TJP1: variants seen among roughly 807,000 people sequenced by gnomAD.
The protein encoded by TJP1 is tight junction protein 1, also known as tight junction protein ZO-1.
TJP1 carries 43 observed loss-of-function variants against 194.2 expected under a neutral mutation model. The observed-to-expected ratio is 0.22, with a 90% CI of 0.17 to 0.29. The LOEUF is 0.29. Ranked by LOEUF, TJP1 falls within the 10% of genes least tolerant of loss-of-function variation. The pLI is 1.00. For missense variants in TJP1, 1,971 were observed against 2,185.7 expected (o/e 0.90, Z 1.96); for synonymous variants, 801 against 779.0 (o/e 1.03, Z -0.47).
intron 10 of TJP1, among the ~76,000 whole-genome samples, chr15:29,740,267 G>T (rs929556403): frequency 6.6e-6 from 1 of 152,058 alleles, no homozygotes; most frequent in Non-Finnish European, 1.5e-5. Context: ...AAGCCACTGC[G>T]CCCGGCCCGG....
chr15:29,734,891 A>C lies in TJP1; in HGVS notation c.1408-509T>G, dbSNP rs79367818. Reference sequence around the variant, plus strand: ...ACAAATAAAGTGAGTTAAAGGTATAAATTTATTTAAATAGTATTCAGTGTG... The same window carrying C: ...ACAAATAAAGTGAGTTAAAGGTATACATTTATTTAAATAGTATTCAGTGTG... On this transcript the variant is annotated intron_variant, in intron 11 of 27. Transcript: ENST00000614355. Among the ~76,000 whole-genome samples the C allele has an allele frequency of 6.4e-3, 969 of 152,292 alleles. 10 individuals carry two copies. The highest frequency in any genetic ancestry group is 0.022 in the African/African-American group (907 of 41,552).
intron 1 of TJP1, among the ~76,000 whole-genome samples, chr15:29,803,507 G>C (rs572302132): frequency 6.6e-6 from 1 of 152,116 alleles, no homozygotes; most frequent in Non-Finnish European, 1.5e-5. Flanking sequence ...TGTATTAAAT[G>C]CATTTTTGAC....
At chr15:29,907,086 G>C (rs1372499447) in intron 2 of TJP1, among the ~76,000 whole-genome samples, 1 of 151,980 alleles carries the variant, frequency 6.6e-6, no homozygotes, top group Non-Finnish European at 1.5e-5. Context: ...TTGTGTGTAG[G>C]TTTGAAACTT....
At chr15:29,785,668 A>C (rs1404563576) in intron 2 of TJP1, among the ~76,000 whole-genome samples, 2 of 152,016 alleles carry the variant, frequency 1.3e-5, no homozygotes, top group Admixed American at 6.6e-5. Flanking sequence ...CAATCCGCTA[A>C]TTATAACTTT....
chr15:29,762,680 A>G (rs972416134), intron 5 of TJP1, among the ~76,000 whole-genome samples: 1 of 152,200 alleles, frequency 6.6e-6, no homozygotes, highest in African/African-American at 2.4e-5. Context: ...CCGTGTTCCC[A>G]TATTACTGAA....
At chr15:29,743,640 T>C (rs543531761) in intron 8 of TJP1, among the ~76,000 whole-genome samples, 55 of 152,212 alleles carry the variant, frequency 3.6e-4, no homozygotes, top group South Asian at 4.1e-4. Context: ...GGTGGGAGAA[T>C]TGCTTGAGCC....
chr15:29,889,436 ACAAT>A (rs1398909664), intron 2 of TJP1, among the ~76,000 whole-genome samples: 6 of 152,240 alleles, frequency 3.9e-5, no homozygotes, highest in Non-Finnish European at 7.3e-5. Context: ...AAATTAATCA[ACAAT>A]CAGTCTTATT....
intron 1 of TJP1, among the ~76,000 whole-genome samples, chr15:29,960,128 T>C (rs1034786821): frequency 4.6e-5 from 7 of 152,292 alleles, no homozygotes; most frequent in Admixed American, 4.6e-4. Flanking sequence ...AGTTTTTCTC[T>C]CATCTGACTT....
intron 2 of TJP1, among the ~76,000 whole-genome samples, chr15:29,909,148 C>G (rs2053930998): frequency 7.0e-6 from 1 of 142,608 alleles, no homozygotes; most frequent in Non-Finnish European, 1.5e-5. Context: ...CAGAGGGAGA[C>G]TCCATCTCAA....
intron 10 of TJP1, among the ~76,000 whole-genome samples, chr15:29,740,336 C>A (rs1208317898): frequency 1.3e-5 from 2 of 152,020 alleles, no homozygotes; most frequent in Non-Finnish European, 2.9e-5. Context: ...CAATAAAAAA[C>A]TAATTTGGGC....
chr15:29,826,140 A>T (rs1450154711), upstream of TJP1, among the ~76,000 whole-genome samples: 1 of 105,212 alleles, frequency 9.5e-6, no homozygotes, highest in Non-Finnish European at 2.2e-5. Context: ...ACACCATTTC[A>T]TTTTTTTTTT....
rs1328841543 is a variant in TJP1, at chr15:29,822,464, G to C, written c.-436C>G. 6 of 985,610 alleles carry C rather than the reference G, an allele frequency of 6.1e-6. No homozygotes were observed. Among genetic ancestry groups the C allele is most frequent in the Non-Finnish European group, 7.2e-6 (6 of 830,256 alleles). 61.1% of individuals were successfully genotyped at this position (985,610 alleles called of 1,614,324 possible). On this transcript the variant is annotated 5_prime_UTR_variant, in exon 1 of 28. Coordinates refer to ENST00000614355, the MANE Select transcript of TJP1 (RefSeq NM_001330239.4). ...CTCAGCCGGCGCCGGCAACTCAGCG[G>C]CCACGCAAACCTGCCGGCCCGGCCC...
At chr15:29,744,221 A>G (rs1017028554) in intron 8 of TJP1, among the ~76,000 whole-genome samples, 6 of 152,232 alleles carry the variant, frequency 3.9e-5, no homozygotes, top group African/African-American at 9.6e-5. Context: ...CTTTCACATG[A>G]TAACATCACT....
chr15:29,872,236 T>C (rs921075581), intron 2 of TJP1, among the ~76,000 whole-genome samples: 1 of 152,206 alleles, frequency 6.6e-6, no homozygotes, highest in Non-Finnish European at 1.5e-5. Context: ...GAGGTACTTA[T>C]ATTGTAAGCA....
chr15:29,733,378 A>AT, intron 12 of TJP1, 65 bp from the exon 13 acceptor site: 1 of 1,113,446 alleles, frequency 9.0e-7, no homozygotes, highest in Non-Finnish European at 1.3e-6. Context: ...AAGACAGTAC[A>AT]TTATGTAAAG....
At chr15:29,712,646 T>C (rs1350004925) in intron 23 of TJP1, among the ~76,000 whole-genome samples, 1 of 152,186 alleles carries the variant, frequency 6.6e-6, no homozygotes, top group African/African-American at 2.4e-5. Context: ...CCATCCTTCA[T>C]GTACTTTAAC....
intron 24 of TJP1, among the ~76,000 whole-genome samples, chr15:29,709,442 C>G (rs1027176819): frequency 2.0e-5 from 3 of 152,182 alleles, no homozygotes; most frequent in Non-Finnish European, 4.4e-5. Flanking sequence ...CTGATGATGC[C>G]AAACATTGGT....
chr15:29,758,435 G>A (rs1351928867), intron 8 of TJP1, among the ~76,000 whole-genome samples: 1 of 152,002 alleles, frequency 6.6e-6, no homozygotes, highest in African/African-American at 2.4e-5. Context: ...ATTTTAGGGG[G>A]GAAAAACCCT....
chr15:29,898,367 CTT>C (rs2053540446), intron 2 of TJP1, among the ~76,000 whole-genome samples: 1 of 152,208 alleles, frequency 6.6e-6, no homozygotes, highest in East Asian at 1.9e-4. Context: ...CAATAAACCT[CTT>C]TCTTTCCTAA....
Sources: gnomAD v4.1 joint callset for allele counts (sites outside exome capture counted in the v4.1 genomes callset) on GRCh38, gnomAD v4.1.1 for gene constraint, MANE v1.5 for transcripts, NCBI Gene and HGNC (gene_info 2026-07-23, HGNC 2026-07-21) for gene names.